SMPDL3A: variants seen among roughly 807,000 people sequenced by gnomAD.
SMPDL3A encodes cyclic GMP-AMP phosphodiesterase SMPDL3A.
Under a neutral mutation model 38.5 loss-of-function variants are expected in SMPDL3A, and 39 were observed. The observed-to-expected ratio is 1.01, with a 90% CI of 0.78 to 1.32. The LOEUF is 1.32. Ranked by LOEUF, SMPDL3A falls within the 40% of genes most tolerant of loss-of-function variation. The pLI is 0.00. For missense variants in SMPDL3A, 502 were observed against 536.2 expected, an observed-to-expected ratio of 0.94 and a Z score of 0.63; for synonymous variants, 180 against 194.3, an observed-to-expected ratio of 0.93 and a Z score of 0.61.
intron 1 of SMPDL3A, among the ~76,000 whole-genome samples, chr6:122,795,072 T>C (rs553225621): frequency 1.3e-5 from 2 of 152,320 alleles, no homozygotes; most frequent in East Asian, 3.9e-4. Flanking sequence ...TTTTCATACA[T>C]TTTATTATGG....
chr6:122,809,080 C>A lies in SMPDL3A; in HGVS notation c.1045-11C>A. ...AAGTGAACCAGGTTTTGTTACTGTT[C>A]TTAACTGCAGGATATGTTGCAGTAT... On this transcript the variant is annotated splice_polypyrimidine_tract_variant and intron_variant, in intron 7 of 7. Coordinates refer to ENST00000368440, the MANE Select transcript of SMPDL3A (RefSeq NM_006714.5). The A allele has an allele frequency of 6.2e-7, 1 of 1,607,244 alleles. No homozygotes were observed. Among genetic ancestry groups the A allele is most frequent in the South Asian group, 1.1e-5 (1 of 90,764 alleles).
At chr6:122,804,073 T>C (rs1233427973) in intron 5 of SMPDL3A, among the ~76,000 whole-genome samples, 2 of 148,800 alleles carry the variant, frequency 1.3e-5, no homozygotes, top group African/African-American at 5.0e-5. Context: ...CTGCAACCTC[T>C]ACCTCCTAGG....
chr6:122,797,323 T>C (rs1781281407), intron 3 of SMPDL3A: 1 of 178,562 alleles, frequency 5.6e-6, no homozygotes, highest in South Asian at 1.7e-4. Context: ...AAGGTTAATA[T>C]TGATAAATAT....
chr6:122,808,924 C>T (rs1562358206), intron 7 of SMPDL3A, among the ~76,000 whole-genome samples, 167 bp from the exon 8 acceptor site: 1 of 151,956 alleles, frequency 6.6e-6, no homozygotes, highest in Admixed American at 6.6e-5. Flanking sequence ...AAACTCCTGA[C>T]CTCAGGTAAC....
intron 2 of SMPDL3A, among the ~76,000 whole-genome samples, chr6:122,796,200 A>G (rs1252243818): frequency 6.6e-6 from 1 of 152,184 alleles, no homozygotes; most frequent in Non-Finnish European, 1.5e-5. Flanking sequence ...AAAAGGCAAT[A>G]ATGGAAGTTT....
chr6:122,809,237 C>T lies in SMPDL3A; in HGVS notation c.1191C>T (p.Ile397=). The T allele has an allele frequency of 6.2e-7, 1 of 1,614,142 alleles. No individual in the cohort carries two copies. The highest frequency in any genetic ancestry group is 8.5e-7 in the Non-Finnish European group (1 of 1,180,010). Residue 397 remains isoleucine, a synonymous_variant, in exon 8 of 8, where the codon ATC becomes ATT. Coordinates refer to ENST00000368440, the MANE Select transcript of SMPDL3A (RefSeq NM_006714.5). The part of the protein sequence containing the change: ...SLYGLAKQFT[I]LDSKQFIKYY... Reference sequence around the variant, plus strand: ...ATGGATTAGCTAAACAATTTACAATCCTAGACAGTAAGCAGTTTATAAAAT... The same window carrying T: ...ATGGATTAGCTAAACAATTTACAATTCTAGACAGTAAGCAGTTTATAAAAT...
intron 1 of SMPDL3A, among the ~76,000 whole-genome samples, chr6:122,790,317 T>C (rs1781036916): frequency 6.6e-6 from 1 of 152,188 alleles, no homozygotes; most frequent in Admixed American, 6.5e-5. Flanking sequence ...TGAGACTCAC[T>C]GGTCCAGAAT....
chr6:122,808,120 A>G (rs1270710349), intron 7 of SMPDL3A, among the ~76,000 whole-genome samples: 1 of 152,214 alleles, frequency 6.6e-6, no homozygotes, highest in Non-Finnish European at 1.5e-5. Flanking sequence ...AAACACAACA[A>G]CATATATAGT....
intron 3 of SMPDL3A, among the ~76,000 whole-genome samples, chr6:122,800,652 C>A (rs920860489): frequency 2.0e-5 from 3 of 152,136 alleles, no homozygotes; most frequent in African/African-American, 7.2e-5. Flanking sequence ...GCTTTGATGC[C>A]CTTTTGTTAA....
intron 1 of SMPDL3A, among the ~76,000 whole-genome samples, chr6:122,794,365 G>A (rs1034651239): frequency 6.6e-6 from 1 of 151,974 alleles, no homozygotes. Context: ...TAGGAGGCTG[G>A]GGCGGGCACA....
At position 122,794,295 on chromosome 6, in the gene SMPDL3A, T is replaced by C. The variant is rs191408908; in HGVS notation, c.113-1382T>C. Among the ~76,000 whole-genome samples the C allele has an allele frequency of 1.5e-3, 229 of 152,232 alleles. 1 individual carries two copies. The highest frequency in any genetic ancestry group is 5.2e-3 in the African/African-American group (214 of 41,550). The stretch of plus-strand genomic sequence containing the variant: ...TGTGATTATTTGTTCTAGTATTACC[T>C]TCAATAAAGGAAACTTTCTTGGCCG... On this transcript the variant is annotated intron_variant, in intron 1 of 7. Transcript: ENST00000368440.
At chr6:122,807,933 A>G (rs990644176) in intron 7 of SMPDL3A, among the ~76,000 whole-genome samples, 1 of 152,184 alleles carries the variant, frequency 6.6e-6, no homozygotes. Flanking sequence ...ACACACACGT[A>G]TATATCCATC....
At position 122,804,305 on chromosome 6, in the gene SMPDL3A, A is replaced by AT. The variant is rs1316831726; in HGVS notation, c.738+485dup. On this transcript the variant is annotated intron_variant, in intron 5 of 7. Transcript: ENST00000368440. Reference sequence around the variant, plus strand: ...CCTGGCCAACTCATTTTAGTTTTAAATTTTTTTTTTTTTCAGAGACAGGGG... The same window carrying AT: ...CCTGGCCAACTCATTTTAGTTTTAAATTTTTTTTTTTTTTCAGAGACAGGGG... Among the ~76,000 whole-genome samples the AT allele has an allele frequency of 3.2e-3, 370 of 114,214 alleles. 4 individuals carry two copies. Among genetic ancestry groups the AT allele is most frequent in the Middle Eastern group, 0.015 (2 of 134 alleles). 74.9% of individuals were successfully genotyped at this position (114,214 alleles called of 152,430 possible). A position where few individuals can be genotyped will look rare whatever the true frequency, so the allele number is the denominator to read the frequency against.
At position 122,809,463 on chromosome 6, in the gene SMPDL3A, G is replaced by A. The variant is rs1781778093; in HGVS notation, c.*55G>A. 1.5e-6 allele frequency: 2 copies of A among 1,321,814 alleles called. No homozygotes were observed. The highest frequency in any genetic ancestry group is 1.5e-5 in the African/African-American group (1 of 67,914). The allele number at this position is 1,321,814 out of a possible 1,614,324, so 81.9% of individuals were successfully genotyped here. On this transcript the variant is annotated 3_prime_UTR_variant, in exon 8 of 8. Coordinates refer to ENST00000368440, the MANE Select transcript of SMPDL3A (RefSeq NM_006714.5). Reference sequence around the variant, plus strand: ...CTGATTCTGATTCTGAGATCAATTTGTGGGAATTTTACATAAATCTTTGTT... The same window carrying A: ...CTGATTCTGATTCTGAGATCAATTTATGGGAATTTTACATAAATCTTTGTT...
intron 2 of SMPDL3A, 36 bp from the exon 3 acceptor site, chr6:122,796,788 C>G: frequency 6.3e-7 from 1 of 1,591,630 alleles, no homozygotes; most frequent in South Asian, 1.1e-5. Context: ...CTTTATGAAA[C>G]TGATTTTGTT....
In SMPDL3A at chr6:122,789,479, C is replaced by T. The variant is rs1455137878; in HGVS notation, c.112+21C>T. The T allele has an allele frequency of 2.6e-6, 4 of 1,531,968 alleles. No homozygotes were observed. In the South Asian group the frequency reaches 4.8e-5, roughly 18 times the overall value. The allele number at this position is 1,531,968 out of a possible 1,614,324, so 94.9% of individuals were successfully genotyped here. On this transcript the variant is annotated intron_variant, in intron 1 of 7. Coordinates refer to ENST00000368440, the MANE Select transcript of SMPDL3A (RefSeq NM_006714.5). ...GATAGGTGAGTTGTCCGCGACCCTT[C>T]TCTTCCCAGCCGGCAAAGAGCGCGG...
intron 1 of SMPDL3A, chr6:122,789,958 T>G: frequency 1.2e-6 from 1 of 845,444 alleles, no homozygotes; most frequent in Non-Finnish European, 1.4e-6. Context: ...TCGACCGAGA[T>G]CAGTGGCTTT....
At chr6:122,803,906 A>T in intron 5 of SMPDL3A, 73 bp downstream of exon 5, 1 of 1,216,976 alleles carries the variant, frequency 8.2e-7, no homozygotes, top group Non-Finnish European at 1.2e-6. Flanking sequence ...AACTCGGGGT[A>T]GACTCCAGTA....
chr6:122,796,029 A>G, intron 2 of SMPDL3A, 139 bp downstream of exon 2: 1 of 660,488 alleles, frequency 1.5e-6, no homozygotes, highest in Non-Finnish European at 2.5e-6. Flanking sequence ...GGTCAAACTA[A>G]TCAACATTAT....
Sources: gnomAD v4.1 joint callset for allele counts (sites outside exome capture counted in the v4.1 genomes callset) on GRCh38, gnomAD v4.1.1 for gene constraint, MANE v1.5 for transcripts, NCBI Gene and HGNC (gene_info 2026-07-23, HGNC 2026-07-21) for gene names.